IFT88: variants seen among roughly 807,000 people sequenced by gnomAD.
IFT88 encodes the protein intraflagellar transport protein 88 homolog.
In IFT88, 74 loss-of-function variants were observed where a neutral mutation model predicts 119.5. The ratio of observed to expected loss-of-function variants is 0.62; its 90% CI spans 0.51 to 0.75. IFT88 has a LOEUF of 0.75. Among genes scored for constraint, IFT88 ranks in the 30% least tolerant of loss-of-function variants. The pLI is 0.00. For synonymous variants in IFT88, 279 were observed against 316.7 expected, an observed-to-expected ratio of 0.88 and a Z score of 1.26; for missense variants, 961 against 977.7, an observed-to-expected ratio of 0.98 and a Z score of 0.23.
chr13:20,615,361 A>G (rs1021351848), intron 13 of IFT88, among the ~76,000 whole-genome samples: 10 of 152,206 alleles, frequency 6.6e-5, no homozygotes, highest in Non-Finnish European at 1.5e-4. Context: ...ATATACACAC[A>G]CGGATACAGA....
At chr13:20,602,405 A>G (rs1037717094) in intron 12 of IFT88, among the ~76,000 whole-genome samples, 2 of 151,932 alleles carry the variant, frequency 1.3e-5, no homozygotes, top group African/African-American at 4.8e-5. Flanking sequence ...GGGTTTTGCC[A>G]TGTTGCCCAG....
intron 14 of IFT88, among the ~76,000 whole-genome samples, chr13:20,623,081 A>G (rs2046781384): frequency 6.6e-6 from 1 of 152,132 alleles, no homozygotes; most frequent in African/African-American, 2.4e-5. Flanking sequence ...TCCTTTTCTC[A>G]CTGAATAGCG....
At chr13:20,642,765 G>A (rs1238946731) in intron 18 of IFT88, 1 of 151,482 alleles carries the variant, frequency 6.6e-6, no homozygotes, top group African/African-American at 2.4e-5. Context: ...ATTTGAGACT[G>A]TTTGAGTACA....
intron 7 of IFT88, among the ~76,000 whole-genome samples, 183 bp downstream of exon 7, chr13:20,592,587 A>T (rs1398698781): frequency 2.6e-5 from 4 of 151,864 alleles, no homozygotes; most frequent in Non-Finnish European, 5.9e-5. Context: ...CTTCTGTCTT[A>T]GCCTCCTGAG....
At chr13:20,567,590 A>T in intron 1 of IFT88, 1 of 300,464 alleles carries the variant, frequency 3.3e-6, no homozygotes, top group Non-Finnish European at 5.0e-6. Flanking sequence ...GGGGAAACTT[A>T]AAACCCAGTT....
intron 9 of IFT88, 118 bp downstream of exon 9, chr13:20,597,237 A>G (rs916909317): frequency 1.1e-5 from 6 of 531,884 alleles, no homozygotes; most frequent in Non-Finnish European, 2.0e-5. Flanking sequence ...TCACAATTAG[A>G]TTAATAATAA....
At position 20,597,771 on chromosome 13, in the gene IFT88, T is replaced by TATATATATATATATATATATATA. The variant is rs377601043; in HGVS notation, c.594+652_594+653insATATATATATATATATATATATA. Among the ~76,000 whole-genome samples the TATATATATATATATATATATATA allele has an allele frequency of 5.6e-5, 8 of 142,028 alleles. No homozygotes were observed. In the South Asian group the frequency reaches 1.8e-3, roughly 31 times the overall value. 93.2% of individuals were successfully genotyped at this position (142,028 alleles called of 152,430 possible). A position where few individuals can be genotyped will look rare whatever the true frequency, so the allele number is the denominator to read the frequency against. On this transcript the variant is annotated intron_variant, in intron 9 of 25. Coordinates refer to ENST00000351808, the MANE Select transcript of IFT88 (RefSeq NM_006531.5). Reference sequence around the variant, plus strand: ...AAAAAAAAAATATATATATATATATTTTTTTTTTGATAACTTGGTAAGTAC... The same window carrying TATATATATATATATATATATATA: ...AAAAAAAAAATATATATATATATATTATATATATATATATATATATATATTTTTTTTGATAACTTGGTAAGTAC...
intron 16 of IFT88, among the ~76,000 whole-genome samples, chr13:20,634,397 A>C (rs1413762607): frequency 2.0e-5 from 3 of 152,066 alleles, no homozygotes; most frequent in Admixed American, 6.6e-5. Context: ...GATCTACATC[A>C]GGTCTGGATA....
At chr13:20,669,789 C>G (rs1359116771) in intron 23 of IFT88, among the ~76,000 whole-genome samples, 1 of 152,104 alleles carries the variant, frequency 6.6e-6, no homozygotes, top group Non-Finnish European at 1.5e-5. Flanking sequence ...GGATGAAAAT[C>G]AAGTTTTGAA....
At chr13:20,680,140 G>T (rs955035829) in intron 24 of IFT88, among the ~76,000 whole-genome samples, 1 of 152,132 alleles carries the variant, frequency 6.6e-6, no homozygotes, top group Non-Finnish European at 1.5e-5. Context: ...GGTAAACTTC[G>T]GTTACAGGAG....
At chr13:20,680,561 G>C (rs905667627) in intron 24 of IFT88, among the ~76,000 whole-genome samples, 3 of 152,178 alleles carry the variant, frequency 2.0e-5, no homozygotes, top group African/African-American at 7.2e-5. Flanking sequence ...CATTGTAACT[G>C]GTTGTCCTGC....
intron 16 of IFT88, among the ~76,000 whole-genome samples, chr13:20,633,220 G>C (rs1244839481): frequency 6.6e-6 from 1 of 152,158 alleles, no homozygotes; most frequent in Non-Finnish European, 1.5e-5. Flanking sequence ...CAAGGAAAGA[G>C]GTTTAATTGA....
chr13:20,680,186 A>G (rs1337510436), intron 24 of IFT88, among the ~76,000 whole-genome samples: 3 of 152,224 alleles, frequency 2.0e-5, no homozygotes, highest in African/African-American at 7.2e-5. Flanking sequence ...ACCAGAAAGC[A>G]TATGTAATTG....
rs372593688 is a variant in IFT88, at chr13:20,595,201, C to T, written c.399-949C>T. Among the ~76,000 whole-genome samples, 370 of 152,250 alleles carry T rather than the reference C, an allele frequency of 2.4e-3. 1 individual carries two copies. The highest frequency in any genetic ancestry group is 0.017 in the South Asian group (82 of 4,826). Reference sequence around the variant, plus strand: ...ATCGCTTAAGCCCAAGAGTTCAAGCCGTAGTGCATTATGATTGTGCCTGTA... The same window carrying T: ...ATCGCTTAAGCCCAAGAGTTCAAGCTGTAGTGCATTATGATTGTGCCTGTA... On this transcript the variant is annotated intron_variant, in intron 7 of 25. Transcript: ENST00000351808.
At chr13:20,625,728 T>C (rs745815272) in intron 14 of IFT88, 22 bp from the exon 15 acceptor site, 13 of 1,523,336 alleles carry the variant, frequency 8.5e-6, no homozygotes, top group Non-Finnish European at 1.2e-5. Flanking sequence ...TCAAGTAAGG[T>C]TTTTTATGCT....
Position 20,615,826 on chromosome 13 carries a change from T to C in IFT88, c.1146T>C (p.Ser382=). The C allele has an allele frequency of 1.2e-6, 2 of 1,607,228 alleles. No homozygotes were observed. Among genetic ancestry groups the C allele is most frequent in the South Asian group, 1.1e-5 (1 of 89,512 alleles). ...TGGCAGAAAAATATATTATGACATC[T>C]GCAAAACTCATTGCTCCTGTAATTG... ...KAMAEKYIMT[S]AKLIAPVIET... Residue 382 remains serine (S), a synonymous_variant, in exon 14 of 26, where the codon TCT becomes TCC. Coordinates refer to ENST00000351808, the MANE Select transcript of IFT88 (RefSeq NM_006531.5).
intron 23 of IFT88, among the ~76,000 whole-genome samples, chr13:20,668,553 C>G (rs2055178943): frequency 6.6e-6 from 1 of 152,168 alleles, no homozygotes; most frequent in African/African-American, 2.4e-5. Flanking sequence ...CACAAGACTC[C>G]TTATGGTGGA....
intron 3 of IFT88, among the ~76,000 whole-genome samples, chr13:20,586,982 C>T (rs2039794619): frequency 6.6e-6 from 1 of 151,728 alleles, no homozygotes; most frequent in African/African-American, 2.4e-5. Flanking sequence ...GGTATTTCTT[C>T]TTTGACCTGT....
chr13:20,597,160 G>T lies in IFT88; in HGVS notation c.594+41G>T. The T allele has an allele frequency of 2.5e-6, 3 of 1,181,238 alleles. No individual in the cohort carries two copies. The South Asian group carries it at 4.3e-5, about 17-fold the overall frequency. The allele number at this position is 1,181,238 out of a possible 1,614,324, so 73.2% of individuals were successfully genotyped here. On this transcript the variant is annotated intron_variant, in intron 9 of 25. Coordinates refer to ENST00000351808, the MANE Select transcript of IFT88 (RefSeq NM_006531.5). ...TAACACAATTTTTAAATAAAATTTTGACTAGGGTTAATGGGTTCCAGAGTC... is the reference window on the plus strand; with the variant it reads ...TAACACAATTTTTAAATAAAATTTTTACTAGGGTTAATGGGTTCCAGAGTC...
Sources: allele counts gnomAD v4.1 joint callset (sites outside exome capture counted in the v4.1 genomes callset), GRCh38; gene constraint gnomAD v4.1.1; transcripts MANE v1.5; gene names NCBI Gene and HGNC (gene_info 2026-07-23, HGNC 2026-07-21).